Variants in SLC38A12 observed in about 807,000 individuals in gnomAD.
SLC38A12 encodes the protein solute carrier family 38 member 12.
chr17:74,808,403 T>C, the SLC38A12 span, among the ~76,000 whole-genome samples: 18 of 152,254 alleles, frequency 1.2e-4, no homozygotes, highest in African/African-American at 4.1e-4. Context: ...AATGAATCCC[T>C]CTCAACCTGT....
the SLC38A12 span, among the ~76,000 whole-genome samples, chr17:74,793,363 A>G: frequency 6.6e-6 from 1 of 152,276 alleles, no homozygotes; most frequent in African/African-American, 2.4e-5. Context: ...AGGGTCTGGG[A>G]GGCAAAATCA....
chr17:74,791,164 C>A, the SLC38A12 span: 1 of 764,012 alleles, frequency 1.3e-6, no homozygotes, highest in Non-Finnish European at 2.1e-6. Flanking sequence ...GGTAGAGCTG[C>A]TCCCTCAGCA....
chr17:74,786,421 G>A, the SLC38A12 span, among the ~76,000 whole-genome samples: 4 of 152,274 alleles, frequency 2.6e-5, no homozygotes, highest in Admixed American at 1.3e-4. Flanking sequence ...TACTGAGGGG[G>A]CCTCACCACA....
the SLC38A12 span, among the ~76,000 whole-genome samples, chr17:74,808,250 C>G: frequency 6.6e-6 from 1 of 152,258 alleles, no homozygotes; most frequent in Non-Finnish European, 1.5e-5. Context: ...GCAGAGGAGA[C>G]AGCCCTTCCA....
At chr17:74,811,916 T>C in the SLC38A12 span, among the ~76,000 whole-genome samples, 1 of 151,832 alleles carries the variant, frequency 6.6e-6, no homozygotes, top group African/African-American at 2.4e-5. Flanking sequence ...TGTGGTGGCA[T>C]GCATTTGTAG....
the SLC38A12 span, among the ~76,000 whole-genome samples, chr17:74,831,834 C>T: frequency 2.0e-5 from 3 of 152,228 alleles, no homozygotes; most frequent in African/African-American, 4.8e-5. Flanking sequence ...ACGAGGTGGG[C>T]GCAGGCTGTC....
the SLC38A12 span, among the ~76,000 whole-genome samples, chr17:74,821,535 G>C: frequency 1.3e-5 from 2 of 152,198 alleles, no homozygotes; most frequent in Non-Finnish European, 2.9e-5. Context: ...CTCCCTGGGT[G>C]CCAGGAGGGA....
At chr17:74,814,578 T>C in the SLC38A12 span, among the ~76,000 whole-genome samples, 1 of 152,240 alleles carries the variant, frequency 6.6e-6, no homozygotes, top group Non-Finnish European at 1.5e-5. Context: ...TCCCTGACTA[T>C]GTGCTGTTTT....
chr17:74,789,126 T>C, the SLC38A12 span, among the ~76,000 whole-genome samples: 1 of 152,206 alleles, frequency 6.6e-6, no homozygotes, highest in Admixed American at 6.5e-5. Flanking sequence ...TTGAAATCTT[T>C]GTACCCAGGA....
chr17:74,818,149 C>T, the SLC38A12 span, among the ~76,000 whole-genome samples: 121 of 152,310 alleles, frequency 7.9e-4, no homozygotes, highest in African/African-American at 2.8e-3. Context: ...GTTCTGCATG[C>T]GCTACCGTGT....
At chr17:74,794,491 T>C in the SLC38A12 span, among the ~76,000 whole-genome samples, 1 of 152,198 alleles carries the variant, frequency 6.6e-6, no homozygotes, top group African/African-American at 2.4e-5. Flanking sequence ...AATGAGACAG[T>C]TGGCCTTTGG....
chr17:74,836,511 G>A, the SLC38A12 span: 907 of 1,612,360 alleles, frequency 5.6e-4, 3 homozygotes, highest in East Asian at 0.017. The surrounding 1 kb of genome is among the most constrained non-coding windows in gnomAD (Gnocchi z 4.2). Context: ...CGTCATCCCC[G>A]CCTTCCTGGT....
the SLC38A12 span, chr17:74,795,689 A>G: frequency 2.2e-6 from 3 of 1,350,296 alleles, 1 homozygote; most frequent in Middle Eastern, 3.6e-4. Flanking sequence ...AGCTGAGGGC[A>G]TTTGAAGTGC....
At chr17:74,832,418 G>A in the SLC38A12 span, among the ~76,000 whole-genome samples, 8 of 152,330 alleles carry the variant, frequency 5.3e-5, no homozygotes, top group East Asian at 1.4e-3. Flanking sequence ...CAGGTAGCTG[G>A]GTTCACCTTC....
chr17:74,814,804 C>T, the SLC38A12 span, among the ~76,000 whole-genome samples: 1 of 152,162 alleles, frequency 6.6e-6, no homozygotes, highest in African/African-American at 2.4e-5. Flanking sequence ...GGTGCTGCGA[C>T]AAACAAGGAT....
At chr17:74,810,173 G>A in the SLC38A12 span, among the ~76,000 whole-genome samples, 1 of 152,236 alleles carries the variant, frequency 6.6e-6, no homozygotes, top group Non-Finnish European at 1.5e-5. Context: ...GAGGCTGCCA[G>A]CTTGGCGTGA....
the SLC38A12 span, among the ~76,000 whole-genome samples, chr17:74,780,157 C>T: frequency 1.6e-4 from 25 of 152,304 alleles, no homozygotes; most frequent in Admixed American, 1.1e-3. Context: ...CGGTTGCTTT[C>T]GAAGGAGAGA....
chr17:74,776,960 T>G, the SLC38A12 span, among the ~76,000 whole-genome samples: 1 of 152,200 alleles, frequency 6.6e-6, no homozygotes, highest in African/African-American at 2.4e-5. Context: ...GAAAGGGGGC[T>G]CTTGTGGTGG....
the SLC38A12 span, among the ~76,000 whole-genome samples, chr17:74,804,365 A>C: frequency 2.2e-4 from 34 of 152,262 alleles, no homozygotes; most frequent in Admixed American, 2.2e-3. Flanking sequence ...CAGAGAAGAA[A>C]TAGCTGAGTG....
Sources: gnomAD v4.1 joint callset for allele counts (sites outside exome capture counted in the v4.1 genomes callset) on GRCh38, gnomAD v4.1.1 for gene constraint, Gnocchi (gnomAD v3.1) non-coding constraint, MANE v1.5 for transcripts, NCBI Gene and HGNC (gene_info 2026-07-23, HGNC 2026-07-21) for gene names.